Variants in OMA1 observed in about 807,000 individuals in gnomAD.
OMA1 encodes OMA1 zinc metallopeptidase.
OMA1 carries 38 observed loss-of-function variants against 30.9 expected under a neutral mutation model. The ratio of observed to expected loss-of-function variants is 1.23; its 90% CI spans 0.95 to 1.61. The LOEUF (loss-of-function observed/expected upper bound fraction) is 1.61. Among genes scored for constraint, OMA1 ranks in the 40% most tolerant of loss-of-function variants. The pLI, the probability that OMA1 is intolerant of heterozygous loss-of-function variation, is 0.00. For synonymous variants in OMA1, 173 were observed against 121.9 expected (o/e 1.42, Z -2.76); for missense variants, 461 against 349.2 (o/e 1.32, Z -2.55).
In OMA1 at chr1:58,505,302, T is replaced by A. The variant is rs146870582; in HGVS notation, c.1365+758A>T. Among the ~76,000 whole-genome samples, 559 of 152,296 alleles carry A rather than the reference T, an allele frequency of 3.7e-3. 4 individuals are homozygous for A. The highest frequency in any genetic ancestry group is 0.013 in the African/African-American group (536 of 41,566). On this transcript the variant is annotated intron_variant, in intron 8 of 8. Coordinates refer to ENST00000371226, the MANE Select transcript of OMA1 (RefSeq NM_145243.5). ...CCTTAGCACATGGCCCAGTACCAAT[T>A]CTTAAATTGCTAAAAAATGTTCCGC...
intron 8 of OMA1, among the ~76,000 whole-genome samples, chr1:58,497,283 G>A (rs1052110120): frequency 1.3e-5 from 2 of 152,132 alleles, no homozygotes; most frequent in East Asian, 1.9e-4. Flanking sequence ...AGGGACGTAA[G>A]GACCAAATGC....
At position 58,539,277 on chromosome 1, in the gene OMA1, T is replaced by G. The variant is rs765623705; in HGVS notation, c.18A>C (p.Gly6=). MSFIC[G]LQSAARNHVF... is the part of the protein sequence containing the mutation. Reference sequence around the variant, plus strand: ...CATGGTTTCTAGCAGCAGACTGCAATCCACAGATGAAGCTCATTTTTTCAC... The same window carrying G: ...CATGGTTTCTAGCAGCAGACTGCAAGCCACAGATGAAGCTCATTTTTTCAC... The change falls in exon 2 of 9, where the codon GGA becomes GGC. Residue 6 remains glycine, a synonymous_variant. Coordinates refer to ENST00000371226, the MANE Select transcript of OMA1 (RefSeq NM_145243.5). 4.7e-6 allele frequency: 4 copies of G among 843,892 alleles called. No homozygotes were observed. The highest frequency in any genetic ancestry group is 8.1e-6 in the Non-Finnish European group (4 of 492,590). The allele number at this position is 843,892 out of a possible 1,614,324, so 52.3% of individuals were successfully genotyped here.
chr1:58,524,074 T>C (rs534825842), intron 7 of OMA1, among the ~76,000 whole-genome samples: 1 of 152,336 alleles, frequency 6.6e-6, no homozygotes, highest in East Asian at 1.9e-4. Flanking sequence ...GCTCAGGGGT[T>C]ACCAGCTTTA....
chr1:58,509,019 G>T (rs1249483308), intron 7 of OMA1, among the ~76,000 whole-genome samples: 1 of 152,098 alleles, frequency 6.6e-6, no homozygotes, highest in Non-Finnish European at 1.5e-5. Context: ...CAGCACTTTG[G>T]ACTAGCATGA....
rs1031631310 is a variant in OMA1 at position 58,481,322 on chromosome 1, G to A, written c.1366-148C>T. 27 of 382,132 alleles carry A rather than the reference G, an allele frequency of 7.1e-5. 1 individual carries two copies. The highest frequency in any genetic ancestry group is 1.1e-4 in the Non-Finnish European group (25 of 219,500). The allele number at this position is 382,132 out of a possible 1,614,324, so 23.7% of individuals were successfully genotyped here. A position where few individuals can be genotyped will look rare whatever the true frequency, so the allele number is the denominator to read the frequency against. ...GGTATCTTGATTATAACACATAAAA[G>A]AGAACCACTGAAAAATCTACAGTGA... On this transcript the variant is annotated intron_variant, in intron 8 of 8. Coordinates refer to ENST00000371226, the MANE Select transcript of OMA1 (RefSeq NM_145243.5).
intron 7 of OMA1, among the ~76,000 whole-genome samples, chr1:58,508,218 T>C (rs1646020262): frequency 6.6e-6 from 1 of 152,198 alleles, no homozygotes; most frequent in Non-Finnish European, 1.5e-5. Context: ...GTGTTGAGTT[T>C]GTCTGTACTT....
chr1:58,542,090 T>C (rs1428805595), intron 1 of OMA1, among the ~76,000 whole-genome samples: 1 of 152,258 alleles, frequency 6.6e-6, no homozygotes, highest in Non-Finnish European at 1.5e-5. Flanking sequence ...ATGTAATTCA[T>C]ACATCCTGCC....
intron 7 of OMA1, among the ~76,000 whole-genome samples, chr1:58,506,665 T>C (rs944876673): frequency 2.0e-4 from 30 of 152,184 alleles, no homozygotes; most frequent in Admixed American, 1.8e-3. Flanking sequence ...TTTACACAAA[T>C]TAAAAATTCT....
Position 58,480,840 on chromosome 1 carries a change from A to C in OMA1, c.*125T>G. 1.6e-6 allele frequency: 1 copy of C among 607,552 alleles called. No homozygotes were observed. The allele number at this position is 607,552 out of a possible 1,614,324, so 37.6% of individuals were successfully genotyped here. ...CTAGAAGAATTTAGATAATATCTGTAATGTACATGATTTGACCCTGAATAT... is the reference window on the plus strand; with the variant it reads ...CTAGAAGAATTTAGATAATATCTGTCATGTACATGATTTGACCCTGAATAT... On this transcript the variant is annotated 3_prime_UTR_variant, in exon 9 of 9. Coordinates refer to ENST00000371226, the MANE Select transcript of OMA1 (RefSeq NM_145243.5).
chr1:58,539,117 TG>T lies in OMA1; in HGVS notation c.177del (p.Asp59GlufsTer51). On this transcript the variant is annotated frameshift_variant, in exon 2 of 9. Coordinates refer to ENST00000371226, the MANE Select transcript of OMA1 (RefSeq NM_145243.5). LOFTEE classifies it high-confidence loss of function. Reference protein sequence around the residue: ...KYQGLGVNQCDRWSFLPGNFH... With the variant: ...KYQGLGVNQCXRWSFLPGNFH... ...AAGTTTCCAGGCAGAAAACTCCACCTGTCACACTGATTTACTCCCAGTCCCT... is the reference window on the plus strand; with the variant it reads ...AAGTTTCCAGGCAGAAAACTCCACCTTCACACTGATTTACTCCCAGTCCCT... 1.1e-6 allele frequency: 1 copy of T among 872,992 alleles called. No homozygotes were observed. The highest frequency in any genetic ancestry group is 2.0e-6 in the Non-Finnish European group (1 of 501,658). The allele number at this position is 872,992 out of a possible 1,614,324, so 54.1% of individuals were successfully genotyped here. A position where few individuals can be genotyped will look rare whatever the true frequency, so the allele number is the denominator to read the frequency against.
At chr1:58,521,719 G>T (rs948383624) in intron 7 of OMA1, among the ~76,000 whole-genome samples, 1 of 151,932 alleles carries the variant, frequency 6.6e-6, no homozygotes, top group African/African-American at 2.4e-5. Flanking sequence ...ACAAGAAATA[G>T]AAAAATCTGA....
intron 7 of OMA1, among the ~76,000 whole-genome samples, chr1:58,519,471 G>A (rs902650264): frequency 7.2e-5 from 11 of 152,110 alleles, no homozygotes; most frequent in Non-Finnish European, 1.6e-4. Flanking sequence ...CAATCTTACA[G>A]TAGAGCTCAT....
chr1:58,509,212 G>C (rs1022977785), intron 7 of OMA1, among the ~76,000 whole-genome samples: 3 of 152,044 alleles, frequency 2.0e-5, no homozygotes, highest in South Asian at 2.1e-4. Context: ...TTCAGAAACT[G>C]ACCCTAATGA....
intron 8 of OMA1, among the ~76,000 whole-genome samples, chr1:58,499,509 AATAG>A (rs1553122699): frequency 4.7e-5 from 2 of 42,856 alleles, no homozygotes; most frequent in Admixed American, 5.0e-4. Context: ...TAGATAGATA[AATAG>A]ATAGATAGAT....
rs369469068 is a variant in OMA1 at position 58,481,799 on chromosome 1, T to C, written c.1366-625A>G. 5.3e-5 allele frequency among the ~76,000 whole-genome samples: 8 copies of C among 152,280 alleles called. No homozygotes were observed. In the South Asian group the frequency reaches 1.5e-3, roughly 28 times the overall value. On this transcript the variant is annotated intron_variant, in intron 8 of 8. Coordinates refer to ENST00000371226, the MANE Select transcript of OMA1 (RefSeq NM_145243.5). ...GATCTGATGGTTTTATAAAGGGCAGTTCCCCCTGCATATGCTCTCTTGACT... is the reference window on the plus strand; with the variant it reads ...GATCTGATGGTTTTATAAAGGGCAGCTCCCCCTGCATATGCTCTCTTGACT...
At chr1:58,519,520 A>C (rs1646227115) in intron 7 of OMA1, among the ~76,000 whole-genome samples, 1 of 152,182 alleles carries the variant, frequency 6.6e-6, no homozygotes, top group South Asian at 2.1e-4. Context: ...GCTCTGAATG[A>C]GTGAAGAGAT....
intron 2 of OMA1, among the ~76,000 whole-genome samples, chr1:58,538,017 T>C (rs975599504): frequency 6.6e-6 from 1 of 152,156 alleles, no homozygotes; most frequent in African/African-American, 2.4e-5. Flanking sequence ...CGCTTTTGGG[T>C]GCCAACACCA....
intron 8 of OMA1, among the ~76,000 whole-genome samples, chr1:58,493,435 A>G (rs1255350094): frequency 1.3e-5 from 2 of 152,002 alleles, no homozygotes; most frequent in African/African-American, 4.8e-5. Flanking sequence ...GGCAAGAGAA[A>G]GAAATAAAGG....
chr1:58,537,153 G>A (rs1041854335), intron 2 of OMA1, among the ~76,000 whole-genome samples: 20 of 151,290 alleles, frequency 1.3e-4, no homozygotes, highest in African/African-American at 4.6e-4. Flanking sequence ...AAATTGTTAG[G>A]TAACTTGTCC....
Sources: gnomAD v4.1 joint callset for allele counts (sites outside exome capture counted in the v4.1 genomes callset) on GRCh38, gnomAD v4.1.1 for gene constraint, MANE v1.5 for transcripts, NCBI Gene and HGNC (gene_info 2026-07-23, HGNC 2026-07-21) for gene names.